Variants in GSG1L observed in about 807,000 individuals in gnomAD.
GSG1L encodes the protein germ cell-specific gene 1-like protein.
A neutral mutation model predicts 42.1 loss-of-function variants in GSG1L; 24 were observed. The observed-to-expected ratio is 0.57, with a 90% CI of 0.41 to 0.80. The LOEUF (loss-of-function observed/expected upper bound fraction) is 0.80, where lower values mean the gene tolerates loss of function less well. Ranked by LOEUF, GSG1L falls within the 30% of genes least tolerant of loss-of-function variation. GSG1L has a pLI of 0.00. For missense variants in GSG1L, 445 were observed against 472.2 expected (o/e 0.94, Z 0.53); for synonymous variants, 215 against 203.5 (o/e 1.06, Z -0.48).
chr16:27,806,222 AC>A (rs1342090973), intron 6 of GSG1L, among the ~76,000 whole-genome samples: 3 of 152,070 alleles, frequency 2.0e-5, no homozygotes, highest in Non-Finnish European at 4.4e-5. Flanking sequence ...TCACTTCAGC[AC>A]CATCTCCTGT....
At chr16:27,976,851 G>A (rs936975659) in intron 1 of GSG1L, among the ~76,000 whole-genome samples, 1 of 152,166 alleles carries the variant, frequency 6.6e-6, no homozygotes, top group South Asian at 2.1e-4. Flanking sequence ...CCGTCATGAA[G>A]CCTGTCTTGT....
In GSG1L at chr16:28,002,782, A is replaced by C. The variant is rs371115445; in HGVS notation, c.350-39579T>G. On this transcript the variant is annotated intron_variant, in intron 1 of 6. Coordinates refer to ENST00000447459, the MANE Select transcript of GSG1L (RefSeq NM_001109763.2). ...CGTCTCTACTAAAAATACAAAAAAA[A>C]AAAAATTAGCCAGGAGTGGTGGCGG... 1.2e-3 allele frequency among the ~76,000 whole-genome samples: 177 copies of C among 150,140 alleles called. 3 individuals are homozygous for C. In the South Asian group the frequency reaches 0.032, roughly 28 times the overall value.
At chr16:27,812,641 T>G (rs916604862) in intron 5 of GSG1L, among the ~76,000 whole-genome samples, 3 of 151,980 alleles carry the variant, frequency 2.0e-5, no homozygotes, top group Non-Finnish European at 2.9e-5. Flanking sequence ...AGGGCTGGAA[T>G]GTGCAGCCTG....
At chr16:27,841,315 A>C (rs971406728) in intron 4 of GSG1L, among the ~76,000 whole-genome samples, 1 of 152,160 alleles carries the variant, frequency 6.6e-6, no homozygotes, top group African/African-American at 2.4e-5. Context: ...CCAGCAGTGT[A>C]TGTCGGGGTG....
chr16:27,988,166 G>C (rs1567546204), intron 1 of GSG1L, among the ~76,000 whole-genome samples: 1 of 151,752 alleles, frequency 6.6e-6, no homozygotes, highest in African/African-American at 2.4e-5. Context: ...AAAAATTAAG[G>C]AAACATCTTT....
intron 1 of GSG1L, among the ~76,000 whole-genome samples, chr16:27,983,048 T>C (rs2085341756): frequency 1.3e-5 from 2 of 152,066 alleles, no homozygotes; most frequent in East Asian, 1.9e-4. Context: ...CAAACTTCTA[T>C]TGCTAGCTGG....
intron 5 of GSG1L, among the ~76,000 whole-genome samples, chr16:27,822,093 A>AG (rs1038429053): frequency 8.0e-6 from 1 of 124,652 alleles, no homozygotes; most frequent in Non-Finnish European, 1.7e-5. Context: ...GGATGGGGTG[A>AG]GGGGGGCGGG....
intron 1 of GSG1L, among the ~76,000 whole-genome samples, chr16:27,993,555 C>G (rs1263298570): frequency 6.6e-6 from 1 of 152,082 alleles, no homozygotes; most frequent in African/African-American, 2.4e-5. Flanking sequence ...GGGACTCTGC[C>G]CAATATAATC....
At chr16:27,940,084 C>CA (rs1478238972) in intron 2 of GSG1L, among the ~76,000 whole-genome samples, 2 of 151,954 alleles carry the variant, frequency 1.3e-5, no homozygotes, top group Non-Finnish European at 2.9e-5. Context: ...TTTATGCAGC[C>CA]AAAAAACACA....
intron 2 of GSG1L, among the ~76,000 whole-genome samples, chr16:27,899,078 G>T (rs541994121): frequency 6.6e-6 from 1 of 152,338 alleles, no homozygotes; most frequent in East Asian, 1.9e-4. Flanking sequence ...GCAAGGCTCG[G>T]GGAGGAGGCT....
At chr16:28,058,511 C>A (rs1314078295) in intron 1 of GSG1L, among the ~76,000 whole-genome samples, 1 of 151,824 alleles carries the variant, frequency 6.6e-6, no homozygotes, top group Non-Finnish European at 1.5e-5. Context: ...CACCTGTGGT[C>A]CCAGCTACTC....
intron 1 of GSG1L, among the ~76,000 whole-genome samples, chr16:27,964,076 A>G (rs2085101383): frequency 6.6e-6 from 1 of 152,166 alleles, no homozygotes; most frequent in African/African-American, 2.4e-5. Context: ...AATTCAACAT[A>G]CAGATCATAC....
intron 6 of GSG1L, among the ~76,000 whole-genome samples, chr16:27,800,433 A>G (rs1393608873): frequency 2.6e-5 from 4 of 152,132 alleles, no homozygotes; most frequent in Non-Finnish European, 5.9e-5. Flanking sequence ...CAAAATCAAA[A>G]CCTTGTCTCA....
intron 2 of GSG1L, among the ~76,000 whole-genome samples, chr16:27,947,656 G>C (rs1018995323): frequency 2.0e-5 from 3 of 152,198 alleles, no homozygotes; most frequent in Non-Finnish European, 4.4e-5. Flanking sequence ...ATGCATGAAA[G>C]GGATGAGTAT....
rs375375737 is a variant in GSG1L at position 27,961,262 on chromosome 16, C to T, written c.397+1894G>A. Reference sequence around the variant, plus strand: ...GCCACTCATGCACATGCACACTCACCCTTACCCGGGACACACGCACACATG... The same window carrying T: ...GCCACTCATGCACATGCACACTCACTCTTACCCGGGACACACGCACACATG... On this transcript the variant is annotated intron_variant, in intron 2 of 6. Transcript: ENST00000447459. Among the ~76,000 whole-genome samples, 613 of 152,358 alleles carry T rather than the reference C, an allele frequency of 4.0e-3. 7 individuals carry two copies. Among genetic ancestry groups the T allele is most frequent in the African/African-American group, 0.014 (597 of 41,592 alleles).
At chr16:28,005,216 C>T (rs941978502) in intron 1 of GSG1L, among the ~76,000 whole-genome samples, 5 of 152,168 alleles carry the variant, frequency 3.3e-5, no homozygotes, top group Admixed American at 6.5e-5. Flanking sequence ...TGGGTTCAAG[C>T]GATTCTCCTG....
chr16:27,921,220 A>AGCTG (rs1383449377), intron 2 of GSG1L, among the ~76,000 whole-genome samples: 1 of 152,162 alleles, frequency 6.6e-6, no homozygotes, highest in Non-Finnish European at 1.5e-5. Context: ...ACCAGTAAGT[A>AGCTG]GCTGCTGTCT....
intron 6 of GSG1L, among the ~76,000 whole-genome samples, chr16:27,801,040 G>T (rs963964017): frequency 6.6e-6 from 1 of 152,190 alleles, no homozygotes; most frequent in African/African-American, 2.4e-5. Flanking sequence ...CTGACTTAAA[G>T]ATGAGACGAA....
At chr16:27,911,269 C>T (rs929357085) in intron 2 of GSG1L, among the ~76,000 whole-genome samples, 24 of 106,632 alleles carry the variant, frequency 2.3e-4, no homozygotes, top group African/African-American at 9.8e-4. Context: ...CTCTCTCGCT[C>T]TCTCTCTCTC....
Sources: allele counts gnomAD v4.1 joint callset (sites outside exome capture counted in the v4.1 genomes callset), GRCh38; gene constraint gnomAD v4.1.1; transcripts MANE v1.5; gene names NCBI Gene and HGNC (gene_info 2026-07-23, HGNC 2026-07-21).